Variants in TTN observed in about 807,000 individuals in gnomAD.
TTN encodes the protein connectin.
TTN carries 1,525 observed loss-of-function variants against 3,223.0 expected under a neutral mutation model. The observed-to-expected ratio is 0.47, with a 90% CI of 0.45 to 0.49. TTN has a LOEUF of 0.49. TTN is among the 20% of genes least tolerant of loss of function. The pLI is 0.00. For synonymous variants in TTN, 14,094 were observed against 15,161.0 expected (o/e 0.93, Z 5.17); for missense variants, 40,786 against 43,424.0 (o/e 0.94, Z 5.40).
rs759684544 is a variant in TTN at position 178,632,776 on chromosome 2, G to T, written c.43230C>A (p.Phe14410Leu). The T allele has an allele frequency of 2.5e-6, 4 of 1,612,860 alleles. No individual in the cohort carries two copies. In the African/African-American group the frequency reaches 5.3e-5, roughly 22 times the overall value. Reference protein sequence around the residue: ...NLKVKELPLIFITPLSDVKVF... With the variant: ...NLKVKELPLILITPLSDVKVF... ...CTTTAACATCACTGAGAGGTGTGATGAAGATAAGAGGCAATTCTGAAAGAA... is the reference window on the plus strand; with the variant it reads ...CTTTAACATCACTGAGAGGTGTGATTAAGATAAGAGGCAATTCTGAAAGAA... Residue 14410 changes from phenylalanine to leucine, a missense_variant, in exon 235 of 363, where the codon TTC (phenylalanine) becomes TTA (leucine). Coordinates refer to ENST00000589042, the MANE Select transcript of TTN (RefSeq NM_001267550.2).
chr2:178,593,945 A>T lies in TTN; in HGVS notation c.58432+16T>A. The T allele has an allele frequency of 6.2e-7, 1 of 1,611,560 alleles. No individual in the cohort carries two copies. The highest frequency in any genetic ancestry group is 8.5e-7 in the Non-Finnish European group (1 of 1,179,238). On this transcript the variant is annotated intron_variant, in intron 297 of 362. Transcript: ENST00000589042. The stretch of plus-strand genomic sequence containing the variant: ...AAAGAACAGAAGATCTATTCTTTCC[A>T]CTAAATAAGACTTACCAACAACATT...
Position 178,562,466 on chromosome 2 carries a change from C to T in TTN, c.83666G>A (p.Ser27889Asn), listed in dbSNP as rs1459332648. ...ACCAGTAATTTTGCTGCCACCATCA[C>T]TTTCTGGTTTCTCCCACTTAATTGT... is the stretch of plus-strand genomic sequence containing the variant. ...TATIKWEKPESDGGSKITGYV... is the reference protein window; with the variant it reads ...TATIKWEKPENDGGSKITGYV... Residue 27889 changes from serine (S) to asparagine (N), a missense_variant, in exon 326 of 363, where the codon AGT becomes AAT. Ser to Asn is a conservative substitution (Grantham distance 46). Coordinates refer to ENST00000589042, the MANE Select transcript of TTN (RefSeq NM_001267550.2). The T allele has an allele frequency of 1.2e-6, 2 of 1,613,232 alleles. No homozygotes were observed. Among genetic ancestry groups the T allele is most frequent in the Non-Finnish European group, 1.7e-6 (2 of 1,179,630 alleles).
intron 37 of TTN, 79 bp downstream of exon 37, chr2:178,769,600 T>G: frequency 7.9e-7 from 1 of 1,272,090 alleles, no homozygotes; most frequent in Non-Finnish European, 1.0e-6. Flanking sequence ...AAGTGTAGGA[T>G]ATAGAATATC....
Position 178,647,040 on chromosome 2 carries a change from G to GTATATATATATATATATATATATATA in TTN, c.40222+23_40222+24insTATATATATATATATATATATATATA, listed in dbSNP as rs10580462. 14 of 731,454 alleles carry GTATATATATATATATATATATATATA rather than the reference G, an allele frequency of 1.9e-5. No individual in the cohort carries two copies. In the South Asian group the frequency reaches 4.0e-4, roughly 21 times the overall value. 45.3% of individuals were successfully genotyped at this position (731,454 alleles called of 1,614,324 possible). On this transcript the variant is annotated intron_variant, in intron 215 of 362. Coordinates refer to ENST00000589042, the MANE Select transcript of TTN (RefSeq NM_001267550.2). ...GGAATCTTCAGGAGATTAAAAAAAT[G>GTATATATATATATATATATATATATA]TATATATATATATATATATATACCT...
In TTN at chr2:178,589,388, T is replaced by C; in HGVS notation, c.62337A>G (p.Leu20779=). The change falls in exon 304 of 363, where the codon CTA becomes CTG. Residue 20779 remains leucine, a synonymous_variant. Coordinates refer to ENST00000589042, the MANE Select transcript of TTN (RefSeq NM_001267550.2). ...TAATGGTGTCCCCTGCTTTGACAGT[T>C]AGGACCCCACTTAATTTCAGATCAA... The part of the protein sequence containing the change: ...PVLDLKLSGV[L]TVKAGDTIRL... 1.2e-6 allele frequency: 2 copies of C among 1,613,454 alleles called. No individual in the cohort carries two copies. Among genetic ancestry groups the C allele is most frequent in the Non-Finnish European group, 1.7e-6 (2 of 1,179,632 alleles).
In TTN at chr2:178,563,660, G is replaced by A; in HGVS notation, c.82472C>T (p.Ala27491Val). The A allele has an allele frequency of 1.9e-6, 3 of 1,613,760 alleles. No individual in the cohort carries two copies. The highest frequency in any genetic ancestry group is 2.5e-6 in the Non-Finnish European group (3 of 1,179,770). Residue 27491 changes from alanine to valine, a missense_variant, in exon 326 of 363, where the codon GCA (alanine) becomes GTA (valine). Ala to Val is a moderately conservative substitution (Grantham distance 64, BLOSUM62 0). Transcript: ENST00000589042. This position sits in a 1 kb window ranked among gnomAD's most constrained non-coding sequence, Gnocchi z 4.5. ...ITKDSMVVTW[A>V]RPVDDGGTEI... Reference sequence around the variant, plus strand: ...GGTACCTCCGTCGTCTACTGGGCGTGCCCATGTTACTACCATAGAATCTTT... The same window carrying A: ...GGTACCTCCGTCGTCTACTGGGCGTACCCATGTTACTACCATAGAATCTTT...
chr2:178,541,292 C>T lies in TTN; in HGVS notation c.97785G>A (p.Met32595Ile). Residue 32595 changes from methionine (M) to isoleucine (I), a missense_variant, in exon 350 of 363, where the codon ATG (methionine) becomes ATA (isoleucine). By Grantham distance (10) the Met-to-Ile change is conservative. Coordinates refer to ENST00000589042, the MANE Select transcript of TTN (RefSeq NM_001267550.2). ...ACAAAATGTCCTTACCAATTGGATCCATGGCAACGATGGGTTTGGAAGGAC... is the reference window on the plus strand; with the variant it reads ...ACAAAATGTCCTTACCAATTGGATCTATGGCAACGATGGGTTTGGAAGGAC... ...PSRPSKPIVA[M>I]DPIAPPGKPQ... is the part of the protein sequence containing the mutation. The T allele has an allele frequency of 6.6e-7, 1 of 1,506,030 alleles. No individual in the cohort carries two copies. Among genetic ancestry groups the T allele is most frequent in the Non-Finnish European group, 8.9e-7 (1 of 1,118,142 alleles). 93.3% of individuals were successfully genotyped at this position (1,506,030 alleles called of 1,614,324 possible).
At position 178,536,843 on chromosome 2, in the gene TTN, T is replaced by C. The variant is rs72648281; in HGVS notation, c.100171+95A>G. On this transcript the variant is annotated intron_variant, in intron 356 of 362. Coordinates refer to ENST00000589042, the MANE Select transcript of TTN (RefSeq NM_001267550.2). Reference sequence around the variant, plus strand: ...GGCACTTGTACTTTATCTGAATCTTTGCTATTTCCTTTCAAAATTTCTTTC... The same window carrying C: ...GGCACTTGTACTTTATCTGAATCTTCGCTATTTCCTTTCAAAATTTCTTTC... The C allele has an allele frequency of 7.2e-3, 8,616 of 1,189,320 alleles. 40 individuals carry two copies. The highest frequency in any genetic ancestry group is 9.1e-3 in the Non-Finnish European group (7,887 of 865,950). The allele number at this position is 1,189,320 out of a possible 1,614,324, so 73.7% of individuals were successfully genotyped here. A position where few individuals can be genotyped will look rare whatever the true frequency, so the allele number is the denominator to read the frequency against.
chr2:178,619,917 T>C (rs2058011323), intron 249 of TTN, 30 bp from the exon 250 acceptor site: 1 of 1,602,082 alleles, frequency 6.2e-7, no homozygotes, highest in Non-Finnish European at 8.5e-7. Flanking sequence ...TAAATACAAA[T>C]ATGTTTACAT....
In TTN at chr2:178,733,387, G is replaced by A. The variant is rs375179152; in HGVS notation, c.15906C>T (p.Val5302=). The A allele has an allele frequency of 1.7e-4, 275 of 1,613,694 alleles. No homozygotes were observed. The African/African-American group carries it at 2.8e-3, about 16-fold the overall frequency. Residue 5302 remains valine, a synonymous_variant, in exon 54 of 363, where the codon GTC becomes GTT. Transcript: ENST00000589042. ...PKWYKDGRPL[V]ASKKYRISFK... is the part of the protein sequence containing the mutation. ...AACTTATTCGGTATTTTTTACTGGC[G>A]ACCAAGGGTCTCCCATCTTTGTACC...
Position 178,552,116 on chromosome 2 carries a change from T to G in TTN, c.90784A>C (p.Ile30262Leu). ...NGGGEITCYSIEKRETSQTNW... is the reference protein window; with the variant it reads ...NGGGEITCYSLEKRETSQTNW... ...GTTTGTGAAGTTTCCCGCTTCTCGA[T>G]GCTGTAACAAGTAATTTCTCCTCCT... Residue 30262 changes from isoleucine (I) to leucine (L), a missense_variant, in exon 335 of 363, where the codon ATC (isoleucine) becomes CTC (leucine). Physicochemically the swap from Ile to Leu is conservative, Grantham distance 5 (BLOSUM62 2). Coordinates refer to ENST00000589042, the MANE Select transcript of TTN (RefSeq NM_001267550.2). 6.2e-7 allele frequency: 1 copy of G among 1,613,824 alleles called. No homozygotes were observed. The highest frequency in any genetic ancestry group is 8.5e-7 in the Non-Finnish European group (1 of 1,179,788).
chr2:178,792,008 C>G, intron 10 of TTN, 64 bp downstream of exon 10: 2 of 1,567,210 alleles, frequency 1.3e-6, no homozygotes, highest in African/African-American at 2.7e-5. Context: ...CTATAAGCTA[C>G]CTGCAGCTGG....
In TTN at chr2:178,571,575, T is replaced by A. The variant is rs756071728; in HGVS notation, c.74557A>T (p.Thr24853Ser). 1.2e-6 allele frequency: 2 copies of A among 1,613,302 alleles called. No homozygotes were observed. The highest frequency in any genetic ancestry group is 1.7e-6 in the Non-Finnish European group (2 of 1,179,600). The change falls in exon 326 of 363, where the codon ACA becomes TCA. Residue 24853 changes from threonine (T) to serine (S), a missense_variant. Physicochemically the swap from Thr to Ser is moderately conservative, Grantham distance 58 (BLOSUM62 1). Coordinates refer to ENST00000589042, the MANE Select transcript of TTN (RefSeq NM_001267550.2). ...NYIVEKRDTS[T>S]TTWQIVSATV... Reference sequence around the variant, plus strand: ...GCTGATACAATTTGCCAGGTGGTTGTGGAAGTGTCCCGTTTCTCAACAATG... The same window carrying A: ...GCTGATACAATTTGCCAGGTGGTTGAGGAAGTGTCCCGTTTCTCAACAATG...
At position 178,715,499 on chromosome 2, in the gene TTN, C is replaced by T. The variant is rs1427227571; in HGVS notation, c.25915G>A (p.Val8639Ile). 2 of 1,611,056 alleles carry T rather than the reference C, an allele frequency of 1.2e-6. No individual in the cohort carries two copies. Among genetic ancestry groups the T allele is most frequent in the East Asian group, 2.2e-5 (1 of 44,810 alleles). Residue 8639 changes from valine (V) to isoleucine (I), a missense_variant, in exon 89 of 363, where the codon GTT becomes ATT. Coordinates refer to ENST00000589042, the MANE Select transcript of TTN (RefSeq NM_001267550.2). ...GSASSSTSLKVKEPPIFRKKP... is the reference protein window; with the variant it reads ...GSASSSTSLKIKEPPIFRKKP... Reference sequence around the variant, plus strand: ...AGGTGGGGAGAGCGCTGACCTTTAACTTTTAAGGATGTGCTGCTGCTGGCA... The same window carrying T: ...AGGTGGGGAGAGCGCTGACCTTTAATTTTTAAGGATGTGCTGCTGCTGGCA...
chr2:178,632,513 T>C lies in TTN; in HGVS notation c.43480+13A>G, dbSNP rs770645246. On this transcript the variant is annotated intron_variant, in intron 235 of 362. Transcript: ENST00000589042. ...AATGATTTTGGGGTGGACTATTTGA[T>C]AAAACTATTTACCTTCAATGATCAG... is the stretch of plus-strand genomic sequence containing the variant. 12 of 1,609,878 alleles carry C rather than the reference T, an allele frequency of 7.5e-6. No homozygotes were observed. Among genetic ancestry groups the C allele is most frequent in the Non-Finnish European group, 1.0e-5 (12 of 1,178,834 alleles).
chr2:178,586,248 A>G (rs1262070961), intron 308 of TTN, among the ~76,000 whole-genome samples: 1 of 152,126 alleles, frequency 6.6e-6, no homozygotes, highest in African/African-American at 2.4e-5. Flanking sequence ...TTAAAAACAC[A>G]GAATAGGGTA....
chr2:178,544,043 A>G lies in TTN; in HGVS notation c.96101T>C (p.Leu32034Ser), dbSNP rs778697335. 1 of 1,613,640 alleles carries G rather than the reference A, an allele frequency of 6.2e-7. No individual in the cohort carries two copies. Among genetic ancestry groups the G allele is most frequent in the Admixed American group, 1.7e-5 (1 of 60,008 alleles). The change falls in exon 346 of 363, where the codon TTG becomes TCG. Residue 32034 changes from leucine (L) to serine (S), a missense_variant. Coordinates refer to ENST00000589042, the MANE Select transcript of TTN (RefSeq NM_001267550.2). The stretch of plus-strand genomic sequence containing the variant: ...TGGTCTTCCAGATACAGACACCATC[A>G]AGCGCAAGGAGGCCCCAGCCCTGAT... ...VTIRAGASLRLMVSVSGRPPP... is the reference protein window; with the variant it reads ...VTIRAGASLRSMVSVSGRPPP...
chr2:178,632,970 C>T lies in TTN; in HGVS notation c.43161G>A (p.Glu14387=), dbSNP rs765214404. 69 of 1,613,226 alleles carry T rather than the reference C, an allele frequency of 4.3e-5. No homozygotes were observed. The highest frequency in any genetic ancestry group is 1.7e-5 in the Non-Finnish European group (20 of 1,179,422). ...LHNCQLGMTG[E]VSFQAANAKS... is the part of the protein sequence containing the mutation. Reference sequence around the variant, plus strand: ...TGGCATTAGCAGCCTGGAAGGAAACCTCTCCTGTCATACCCAGCTGACAGT... The same window carrying T: ...TGGCATTAGCAGCCTGGAAGGAAACTTCTCCTGTCATACCCAGCTGACAGT... Residue 14387 remains glutamate, a synonymous_variant, in exon 234 of 363, where the codon GAG becomes GAA. Transcript: ENST00000589042.
chr2:178,772,941 T>G, intron 33 of TTN, 168 bp downstream of exon 33: 4 of 802,838 alleles, frequency 5.0e-6, no homozygotes, highest in Non-Finnish European at 5.8e-6. Flanking sequence ...GAAGAACATT[T>G]GTAATTTAGG....
Sources: gnomAD v4.1 joint callset for allele counts (sites outside exome capture counted in the v4.1 genomes callset) on GRCh38, gnomAD v4.1.1 for gene constraint, Gnocchi (gnomAD v3.1) non-coding constraint, MANE v1.5 for transcripts, NCBI Gene and HGNC (gene_info 2026-07-23, HGNC 2026-07-21) for gene names.